Variants in SETD3 observed in about 807,000 individuals in gnomAD.
SETD3 encodes the protein SET domain containing 3, actin N3(tau)-histidine methyltransferase, also known as actin-histidine N-methyltransferase.
In SETD3, 19 loss-of-function variants were observed where a neutral mutation model predicts 63.0. That is an observed-to-expected ratio of 0.30 (90% CI 0.21 to 0.44). SETD3 has a LOEUF of 0.44. Among genes scored for constraint, SETD3 ranks in the 20% least tolerant of loss-of-function variants. The pLI, the probability that SETD3 is intolerant of heterozygous loss-of-function variation, is 1.00. For synonymous variants in SETD3, 286 were observed against 264.1 expected (o/e 1.08, Z -0.80); for missense variants, 587 against 728.5 (o/e 0.81, Z 2.24).
chr14:99,471,579 G>A lies in SETD3; in HGVS notation c.-8-5766C>T, dbSNP rs576496158. Among the ~76,000 whole-genome samples, 11 of 152,282 alleles carry A rather than the reference G, an allele frequency of 7.2e-5. No individual in the cohort carries two copies. In the South Asian group the frequency reaches 1.2e-3, roughly 17 times the overall value. ...GAGCCCAGGAGTTCGAGGCTGCAGC[G>A]AGCTATGATCACACCTGTGAATAGC... On this transcript the variant is annotated intron_variant, in intron 1 of 12. Coordinates refer to ENST00000331768, the MANE Select transcript of SETD3 (RefSeq NM_032233.3).
At chr14:99,442,399 G>C (rs901522053) in intron 6 of SETD3, among the ~76,000 whole-genome samples, 1 of 152,130 alleles carries the variant, frequency 6.6e-6, no homozygotes, top group African/African-American at 2.4e-5. Flanking sequence ...TCCTCAGTGG[G>C]CTTACATTCA....
At chr14:99,466,101 G>A (rs1351313662) in intron 1 of SETD3, among the ~76,000 whole-genome samples, 4 of 152,094 alleles carry the variant, frequency 2.6e-5, no homozygotes, top group Admixed American at 2.6e-4. Context: ...TAATTACATA[G>A]ATTTCACTGT....
At chr14:99,412,899 T>C (rs759565544) in intron 8 of SETD3, 52 bp downstream of exon 8, 83 of 1,295,570 alleles carry the variant, frequency 6.4e-5, no homozygotes, top group Non-Finnish European at 8.4e-5. Flanking sequence ...TCCCAAAGCT[T>C]AGCAACAACA....
chr14:99,405,484 GA>G, intron 9 of SETD3, 113 bp from the exon 10 acceptor site: 1 of 1,102,376 alleles, frequency 9.1e-7, no homozygotes. Context: ...CTAAATAGCT[GA>G]AAGTATTGAT....
chr14:99,403,011 T>C (rs1262088134), intron 11 of SETD3, among the ~76,000 whole-genome samples: 2 of 152,202 alleles, frequency 1.3e-5, no homozygotes, highest in Non-Finnish European at 2.9e-5. Flanking sequence ...TTACATTGAA[T>C]TGATGAACCA....
chr14:99,401,454 G>T (rs1179866905), intron 11 of SETD3, among the ~76,000 whole-genome samples: 2 of 152,134 alleles, frequency 1.3e-5, no homozygotes, highest in East Asian at 3.9e-4. Flanking sequence ...CTGAAGAACT[G>T]CGGCTGCCAG....
intron 1 of SETD3, among the ~76,000 whole-genome samples, chr14:99,471,145 GA>G (rs970620390): frequency 3.3e-5 from 5 of 151,692 alleles, no homozygotes; most frequent in African/African-American, 4.8e-5. Context: ...TCTTGTGGCA[GA>G]AAAAAAACCA....
chr14:99,434,089 A>G (rs1394703192), intron 6 of SETD3, among the ~76,000 whole-genome samples: 2 of 152,218 alleles, frequency 1.3e-5, no homozygotes, highest in African/African-American at 2.4e-5. Flanking sequence ...ATATGTCCAC[A>G]AGAAGATAAA....
At chr14:99,444,739 G>A (rs930311611) in intron 6 of SETD3, among the ~76,000 whole-genome samples, 3 of 151,904 alleles carry the variant, frequency 2.0e-5, no homozygotes, top group African/African-American at 2.4e-5. Context: ...GCACGCTGAC[G>A]TGGGAAGATG....
At chr14:99,439,713 TA>T (rs1474041775) in intron 6 of SETD3, among the ~76,000 whole-genome samples, 1 of 148,174 alleles carries the variant, frequency 6.7e-6, no homozygotes, top group East Asian at 1.9e-4. Flanking sequence ...TTTATACATA[TA>T]AATATATGTA....
intron 6 of SETD3, among the ~76,000 whole-genome samples, chr14:99,449,967 A>C (rs1211637493): frequency 6.6e-6 from 1 of 152,244 alleles, no homozygotes; most frequent in African/African-American, 2.4e-5. Flanking sequence ...CTCACACTTA[A>C]GATAAACCAA....
chr14:99,467,971 AAGAC>A (rs970570134), intron 1 of SETD3, among the ~76,000 whole-genome samples: 1 of 152,114 alleles, frequency 6.6e-6, no homozygotes, highest in Non-Finnish European at 1.5e-5. Context: ...GTGCTGGACT[AAGAC>A]AGAGCTCTTC....
intron 3 of SETD3, among the ~76,000 whole-genome samples, chr14:99,462,122 C>G (rs1359692129): frequency 6.6e-6 from 1 of 152,058 alleles, no homozygotes; most frequent in Non-Finnish European, 1.5e-5. Flanking sequence ...AATACAAAAA[C>G]AAAACCAAGG....
At chr14:99,475,598 G>A (rs1308943835) in intron 1 of SETD3, among the ~76,000 whole-genome samples, 1 of 152,126 alleles carries the variant, frequency 6.6e-6, no homozygotes, top group Non-Finnish European at 1.5e-5. Flanking sequence ...GGCTTAATGT[G>A]CCCCTCATTA....
intron 6 of SETD3, among the ~76,000 whole-genome samples, chr14:99,423,276 A>G (rs1227968087): frequency 6.6e-6 from 1 of 152,104 alleles, no homozygotes; most frequent in Non-Finnish European, 1.5e-5. Context: ...ACCCTCAAAC[A>G]TATTACCCTG....
rs1012226881 is a variant in SETD3, at chr14:99,438,704, T to C, written c.675+19575A>G. On this transcript the variant is annotated intron_variant, in intron 6 of 12. Coordinates refer to ENST00000331768, the MANE Select transcript of SETD3 (RefSeq NM_032233.3). ...ACCGTCCACCTCCCTGCCGCTGGGGTTGTCATTAAGCAAGCAACCAAACCA... is the reference window on the plus strand; with the variant it reads ...ACCGTCCACCTCCCTGCCGCTGGGGCTGTCATTAAGCAAGCAACCAAACCA... Among the ~76,000 whole-genome samples, 6 of 152,140 alleles carry C rather than the reference T, an allele frequency of 3.9e-5. No individual in the cohort carries two copies. In the South Asian group the frequency reaches 6.2e-4, roughly 16 times the overall value.
At chr14:99,441,111 G>A (rs777202951) in intron 6 of SETD3, among the ~76,000 whole-genome samples, 2 of 152,242 alleles carry the variant, frequency 1.3e-5, no homozygotes, top group Non-Finnish European at 2.9e-5. Flanking sequence ...CTGTCATAGA[G>A]GGACAAAAGT....
rs575919143 is a variant in SETD3 at position 99,412,989 on chromosome 14, T to C, written c.811A>G (p.Ile271Val). 1.1e-5 allele frequency: 17 copies of C among 1,614,042 alleles called. No homozygotes were observed. The highest frequency in any genetic ancestry group is 1.4e-5 in the Non-Finnish European group (17 of 1,179,954). The change falls in exon 8 of 13, where the codon ATT becomes GTT. Residue 271 changes from isoleucine to valine, a missense_variant. Ile to Val is a conservative substitution (Grantham distance 29, BLOSUM62 3). Coordinates refer to ENST00000331768, the MANE Select transcript of SETD3 (RefSeq NM_032233.3). ...EDGSRVTLAL[I>V]PLWDMCNHTN... ...TGGTTACACATATCCCATAAAGGAA[T>C]CAGAGCCAGGGTCACGCGGGAACCA...
chr14:99,404,463 G>T (rs561880724), intron 10 of SETD3, among the ~76,000 whole-genome samples, 153 bp from the exon 11 acceptor site: 2 of 152,156 alleles, frequency 1.3e-5, no homozygotes, highest in Non-Finnish European at 2.9e-5. Context: ...CTGTGAGCAC[G>T]ATTTTCAGCC....
Sources: gnomAD v4.1 joint callset for allele counts (sites outside exome capture counted in the v4.1 genomes callset) on GRCh38, gnomAD v4.1.1 for gene constraint, MANE v1.5 for transcripts, NCBI Gene and HGNC (gene_info 2026-07-23, HGNC 2026-07-21) for gene names.